TRAF3IP1: variants seen among roughly 807,000 people sequenced by gnomAD.
TRAF3IP1 encodes TRAF3-interacting protein 1.
Under a neutral mutation model 89.9 loss-of-function variants are expected in TRAF3IP1, and 53 were observed. That is an observed-to-expected ratio of 0.59 (90% CI 0.47 to 0.74). The LOEUF is 0.74. TRAF3IP1 is among the 30% of genes least tolerant of loss of function. The probability of loss-of-function intolerance (pLI) is 0.00; values close to 1 mark genes in which losing one functional copy is unlikely to be tolerated. For synonymous variants in TRAF3IP1, 311 were observed against 322.1 expected, an observed-to-expected ratio of 0.97 and a Z score of 0.37; for missense variants, 806 against 866.1, an observed-to-expected ratio of 0.93 and a Z score of 0.87.
At chr2:238,392,230 T>A (rs1221570614) in intron 15 of TRAF3IP1, among the ~76,000 whole-genome samples, 1 of 152,138 alleles carries the variant, frequency 6.6e-6, no homozygotes, top group African/African-American at 2.4e-5. Context: ...AAAGAAATAA[T>A]AGAGATATAC....
At chr2:238,364,215 C>A (rs934993519) in intron 15 of TRAF3IP1, among the ~76,000 whole-genome samples, 1 of 152,120 alleles carries the variant, frequency 6.6e-6, no homozygotes, top group Admixed American at 6.5e-5. Context: ...GGCCTCTCTC[C>A]AGCCTGTCTT....
chr2:238,386,524 G>A lies in TRAF3IP1; in HGVS notation c.1690-10935G>A, dbSNP rs556126771. Among the ~76,000 whole-genome samples the A allele has an allele frequency of 1.1e-4, 16 of 152,152 alleles. 2 individuals carry two copies. In the East Asian group the frequency reaches 2.9e-3, roughly 28 times the overall value. The stretch of plus-strand genomic sequence containing the variant: ...GACGGGGTTTCACCATGTTGACCAG[G>A]CTGGTCTTGAACTCCTGACCTCAGG... On this transcript the variant is annotated intron_variant, in intron 15 of 16. Transcript: ENST00000373327.
At chr2:238,398,628 T>G in intron 16 of TRAF3IP1, 126 bp from the exon 17 acceptor site, 2 of 1,135,910 alleles carry the variant, frequency 1.8e-6, no homozygotes, top group Non-Finnish European at 2.4e-6. Context: ...AAATAAGAAA[T>G]AAATATTATC....
At chr2:238,350,050 G>A (rs946765431) in intron 12 of TRAF3IP1, among the ~76,000 whole-genome samples, 1 of 151,870 alleles carries the variant, frequency 6.6e-6, no homozygotes, top group Non-Finnish European at 1.5e-5. Context: ...CAGCCTGGGC[G>A]ACAGAGTGAG....
chr2:238,354,928 T>C (rs191373614), intron 14 of TRAF3IP1, among the ~76,000 whole-genome samples: 214 of 151,666 alleles, frequency 1.4e-3, no homozygotes, highest in Middle Eastern at 3.4e-3. Context: ...GTATTACAGG[T>C]GTGAGCCACC....
intron 15 of TRAF3IP1, among the ~76,000 whole-genome samples, chr2:238,389,584 C>T (rs1002770122): frequency 6.6e-6 from 1 of 151,914 alleles, no homozygotes; most frequent in Non-Finnish European, 1.5e-5. Flanking sequence ...CCCATCTCTA[C>T]TAAAAATACA....
chr2:238,373,768 T>A (rs1049196606), intron 15 of TRAF3IP1, among the ~76,000 whole-genome samples: 5 of 152,240 alleles, frequency 3.3e-5, no homozygotes, highest in Admixed American at 6.5e-5. Flanking sequence ...TCCATGAGCA[T>A]GGAATATTCT....
intron 3 of TRAF3IP1, among the ~76,000 whole-genome samples, chr2:238,328,193 A>G (rs896252623): frequency 6.6e-6 from 1 of 152,112 alleles, no homozygotes; most frequent in African/African-American, 2.4e-5. Flanking sequence ...ATCATTTTAC[A>G]TTTCCACCAA....
intron 15 of TRAF3IP1, among the ~76,000 whole-genome samples, chr2:238,363,633 T>A (rs534941812): frequency 2.2e-4 from 33 of 152,328 alleles, no homozygotes; most frequent in African/African-American, 7.9e-4. Context: ...GGCTTCCACA[T>A]ACCGTTGTTG....
intron 8 of TRAF3IP1, 81 bp downstream of exon 8, chr2:238,338,538 TAAA>T (rs1698491567): frequency 6.8e-6 from 5 of 740,448 alleles, no homozygotes; most frequent in Non-Finnish European, 1.1e-5. Flanking sequence ...TATACATTGT[TAAA>T]AAATTATTCT....
At chr2:238,340,842 T>G (rs999960256) in intron 8 of TRAF3IP1, among the ~76,000 whole-genome samples, 2 of 92,700 alleles carry the variant, frequency 2.2e-5, no homozygotes, top group African/African-American at 6.2e-5. Context: ...TGTATATATA[T>G]ATATAGAGAG....
intron 15 of TRAF3IP1, among the ~76,000 whole-genome samples, chr2:238,358,017 G>A (rs1461751393): frequency 1.3e-5 from 2 of 152,054 alleles, no homozygotes; most frequent in African/African-American, 2.4e-5. Context: ...TACAGTTAGG[G>A]GAAAATCAGC....
chr2:238,343,666 T>C (rs868357770), intron 8 of TRAF3IP1, among the ~76,000 whole-genome samples: 1,222 of 99,400 alleles, frequency 0.012, 6 homozygotes, highest in African/African-American at 0.021. Flanking sequence ...TTTTTTTTTT[T>C]CCCCGAGATA....
rs529996673 is a variant in TRAF3IP1, at chr2:238,398,656, C to T, written c.1911-98C>T. 3.7e-4 allele frequency: 470 copies of T among 1,281,834 alleles called. 4 individuals are homozygous for T. In the African/African-American group the frequency reaches 5.0e-3, roughly 14 times the overall value. The allele number at this position is 1,281,834 out of a possible 1,614,324, so 79.4% of individuals were successfully genotyped here. The stretch of plus-strand genomic sequence containing the variant: ...ATATTATCCTTTTCTTTGGATGAAA[C>T]GAATAATTTACTTCTGTTGTCTTTC... On this transcript the variant is annotated intron_variant, in intron 16 of 16. Coordinates refer to ENST00000373327, the MANE Select transcript of TRAF3IP1 (RefSeq NM_015650.4).
At chr2:238,340,171 C>G (rs1169361811) in intron 8 of TRAF3IP1, among the ~76,000 whole-genome samples, 1 of 152,212 alleles carries the variant, frequency 6.6e-6, no homozygotes, top group Non-Finnish European at 1.5e-5. Flanking sequence ...GGTCCTGCCA[C>G]AGCGCGGACC....
chr2:238,336,511 G>T (rs936397254), intron 7 of TRAF3IP1, among the ~76,000 whole-genome samples: 4 of 152,134 alleles, frequency 2.6e-5, no homozygotes, highest in Non-Finnish European at 4.4e-5. Flanking sequence ...TTACTACAGG[G>T]TGTGAGGGTA....
chr2:238,353,560 G>T (rs1263763316), intron 14 of TRAF3IP1, among the ~76,000 whole-genome samples: 2 of 152,122 alleles, frequency 1.3e-5, no homozygotes, highest in African/African-American at 2.4e-5. Context: ...GTTATTGTTG[G>T]TTTTCTAGCT....
In TRAF3IP1 at chr2:238,379,402, G is replaced by A. The variant is rs1385270953; in HGVS notation, c.1690-18057G>A. ...TCAGGATGCTGGTGGAGGGAAGAGT[G>A]AGGAGTGCCAGCTTCAGCAGAACTC... is the stretch of plus-strand genomic sequence containing the variant. On this transcript the variant is annotated intron_variant, in intron 15 of 16. Transcript: ENST00000373327. The surrounding 1 kb of genome is among the most constrained non-coding windows in gnomAD (Gnocchi z 4.0). Among the ~76,000 whole-genome samples the A allele has an allele frequency of 3.3e-5, 5 of 152,226 alleles. No homozygotes were observed. Among genetic ancestry groups the A allele is most frequent in the African/African-American group, 4.8e-5 (2 of 41,460 alleles).
At chr2:238,368,475 C>T (rs549261882) in intron 15 of TRAF3IP1, among the ~76,000 whole-genome samples, 1 of 152,250 alleles carries the variant, frequency 6.6e-6, no homozygotes, top group East Asian at 1.9e-4. Flanking sequence ...GATGTGACCC[C>T]TTTTAAACTA....
Sources: allele counts gnomAD v4.1 joint callset (sites outside exome capture counted in the v4.1 genomes callset), GRCh38; gene constraint gnomAD v4.1.1; non-coding constraint Gnocchi (gnomAD v3.1); transcripts MANE v1.5; gene names NCBI Gene and HGNC (gene_info 2026-07-23, HGNC 2026-07-21).